MGAM: variants seen among roughly 807,000 people sequenced by gnomAD.
MGAM encodes the protein maltase-glucoamylase.
In MGAM, 253 loss-of-function variants were observed where a neutral mutation model predicts 358.8. That is an observed-to-expected ratio of 0.71 (90% CI 0.64 to 0.78). The LOEUF is 0.78. MGAM is among the 30% of genes least tolerant of loss of function. MGAM has a pLI of 0.00. For missense variants in MGAM, 3,080 were observed against 3,432.6 expected (o/e 0.90, Z 2.57); for synonymous variants, 1,105 against 1,227.1 (o/e 0.90, Z 2.08).
chr7:141,999,141 G>T (rs1300394619), intron 1 of MGAM, among the ~76,000 whole-genome samples: 1 of 152,076 alleles, frequency 6.6e-6, no homozygotes, highest in African/African-American at 2.4e-5. Flanking sequence ...TTGAAAGAAT[G>T]CTTGGCACAT....
Position 142,099,610 on chromosome 7 carries a change from C to T in MGAM, c.7750-3C>T. On this transcript the variant is annotated splice_region_variant and splice_polypyrimidine_tract_variant and intron_variant, in intron 66 of 70. Coordinates refer to ENST00000475668, the MANE Select transcript of MGAM (RefSeq NM_001365693.1). ...GTCATCTCTTACCTTCTTCTGCCTC[C>T]AGGGTGTGGATATTAATGCAAGAGG... 3.1e-6 allele frequency: 5 copies of T among 1,613,812 alleles called. No homozygotes were observed. The highest frequency in any genetic ancestry group is 2.2e-5 in the East Asian group (1 of 44,868).
chr7:142,011,798 TG>T (rs1805619748), intron 3 of MGAM, among the ~76,000 whole-genome samples: 2 of 152,136 alleles, frequency 1.3e-5, no homozygotes, highest in African/African-American at 4.8e-5. Context: ...CAGTCTGATT[TG>T]GGGGACTAGA....
Position 142,032,838 on chromosome 7 carries a change from T to A in MGAM, c.1598T>A (p.Val533Asp). The change falls in exon 14 of 71, where the codon GTC becomes GAC. Residue 533 changes from valine (V) to aspartate (D), a missense_variant. Physicochemically the swap from Val to Asp is radical, Grantham distance 152 (BLOSUM62 -3). This residue lies in a region of MGAM where 1,816 missense variants were observed against 1,840.5 expected (regional missense o/e 0.99). Coordinates refer to ENST00000475668, the MANE Select transcript of MGAM (RefSeq NM_001365693.1). ...TTTGTCTTGTAGGATATGAATGAAG[T>A]CTCCAACTTTGTTGATGGTTCGGTC... Reference protein sequence around the residue: ...FDGIWIDMNEVSNFVDGSVSG... With the variant: ...FDGIWIDMNEDSNFVDGSVSG... 6.2e-7 allele frequency: 1 copy of A among 1,609,458 alleles called. No homozygotes were observed. Among genetic ancestry groups the A allele is most frequent in the Non-Finnish European group, 8.5e-7 (1 of 1,177,486 alleles).
Position 142,093,370 on chromosome 7 carries a change from G to T in MGAM, c.7034-42G>T, listed in dbSNP as rs758721573. On this transcript the variant is annotated intron_variant, in intron 59 of 70. Transcript: ENST00000475668. ...CTTGAAGAGAAGTCAGGGAGAAACA[G>T]AATCAGGGCTGGATTTCACCTCACC... 6 of 1,512,122 alleles carry T rather than the reference G, an allele frequency of 4.0e-6. 1 individual carries two copies. Among genetic ancestry groups the T allele is most frequent in the Non-Finnish European group, 3.6e-6 (4 of 1,109,992 alleles). The allele number at this position is 1,512,122 out of a possible 1,614,324, so 93.7% of individuals were successfully genotyped here. A position where few individuals can be genotyped will look rare whatever the true frequency, so the allele number is the denominator to read the frequency against.
intron 20 of MGAM, chr7:142,040,416 A>C (rs1238409787): frequency 1.7e-6 from 1 of 583,778 alleles, no homozygotes; most frequent in Admixed American, 3.2e-5. Context: ...AGTATCTCAT[A>C]AATTAATATT....
Position 142,082,494 on chromosome 7 carries a change from G to T in MGAM, c.6191G>T (p.Gly2064Val). The change falls in exon 52 of 71, where the codon GGT (glycine) becomes GTT (valine). Residue 2064 changes from glycine to valine, a missense_variant. Gly to Val is a moderately radical substitution (Grantham distance 109). Transcript: ENST00000475668. Reference protein sequence around the residue: ...QPPGYKKNSYGVHPYYMGLEE... With the variant: ...QPPGYKKNSYVVHPYYMGLEE... Reference sequence around the variant, plus strand: ...CTCCAGTACAAGAAGAATTCCTATGGTGTCCACCCCTACTACATGGGGCTA... The same window carrying T: ...CTCCAGTACAAGAAGAATTCCTATGTTGTCCACCCCTACTACATGGGGCTA... The T allele has an allele frequency of 6.5e-7, 1 of 1,532,302 alleles. No homozygotes were observed. The highest frequency in any genetic ancestry group is 1.3e-5 in the African/African-American group (1 of 74,402). 94.9% of individuals were successfully genotyped at this position (1,532,302 alleles called of 1,614,324 possible).
chr7:142,076,981 GA>G (rs1287929947), intron 47 of MGAM, among the ~76,000 whole-genome samples, 155 bp downstream of exon 47: 3 of 144,898 alleles, frequency 2.1e-5, no homozygotes, highest in African/African-American at 7.3e-5. Flanking sequence ...CTTTTTTGGG[GA>G]AAAAAATGAG....
chr7:142,065,260 C>T (rs1812607166), intron 37 of MGAM, 75 bp from the exon 38 acceptor site: 3 of 1,553,590 alleles, frequency 1.9e-6, no homozygotes, highest in Non-Finnish European at 2.6e-6. Flanking sequence ...GGCTCAAGGG[C>T]TCTGGGAGCA....
At chr7:142,023,070 CTCTT>C (rs1554459593) in intron 7 of MGAM, among the ~76,000 whole-genome samples, 1 of 151,820 alleles carries the variant, frequency 6.6e-6, no homozygotes, top group Non-Finnish European at 1.5e-5. Flanking sequence ...TTCTTCTTCT[CTCTT>C]TGTTTGAGAT....
intron 7 of MGAM, among the ~76,000 whole-genome samples, chr7:142,023,176 T>C (rs915955733): frequency 6.6e-6 from 1 of 152,082 alleles, no homozygotes; most frequent in African/African-American, 2.4e-5. Context: ...CCCTCGTACC[T>C]CAGTGTCTGG....
intron 44 of MGAM, among the ~76,000 whole-genome samples, chr7:142,072,299 A>G (rs73740266): frequency 0.096 from 14,061 of 145,872 alleles, 2,091 homozygotes; most frequent in African/African-American, 0.23. Context: ...AAACATACCC[A>G]TGTATTTTAC....
At chr7:142,046,327 A>G (rs1810412705) in intron 21 of MGAM, among the ~76,000 whole-genome samples, 3 of 151,572 alleles carry the variant, frequency 2.0e-5, no homozygotes, top group Admixed American at 1.3e-4. Flanking sequence ...ACTTTCTTTC[A>G]TGTTGACTTA....
chr7:142,015,459 G>A lies in MGAM; in HGVS notation c.328-3740G>A, dbSNP rs886161137. 3.3e-5 allele frequency among the ~76,000 whole-genome samples: 5 copies of A among 151,812 alleles called. No individual in the cohort carries two copies. In the South Asian group the frequency reaches 8.3e-4, roughly 25 times the overall value. On this transcript the variant is annotated intron_variant, in intron 3 of 70. Coordinates refer to ENST00000475668, the MANE Select transcript of MGAM (RefSeq NM_001365693.1). ...CATTGTATCTCAAAAACAATTCCAG[G>A]AAGACTAAAAGCCTAAAGGCAAAAA...
intron 33 of MGAM, 96 bp from the exon 34 acceptor site, chr7:142,060,215 G>A: frequency 6.6e-7 from 1 of 1,511,644 alleles, no homozygotes; most frequent in Non-Finnish European, 9.1e-7. Flanking sequence ...AAGTATTATT[G>A]CTCCTAGGAG....
rs553512888 is a variant in MGAM at position 142,080,737 on chromosome 7, G to T, written c.5848-54G>T. The T allele has an allele frequency of 2.1e-6, 3 of 1,452,640 alleles. 1 individual carries two copies. The highest frequency in any genetic ancestry group is 2.8e-6 in the Non-Finnish European group (3 of 1,055,884). The allele number at this position is 1,452,640 out of a possible 1,614,324, so 90.0% of individuals were successfully genotyped here. A position where few individuals can be genotyped will look rare whatever the true frequency, so the allele number is the denominator to read the frequency against. On this transcript the variant is annotated intron_variant, in intron 49 of 70. Transcript: ENST00000475668. ...CAAAAATCAAAAAGGTTCTGCTAAG[G>T]GTATAGGTTTCAAGAGTAGTATTCT...
intron 3 of MGAM, among the ~76,000 whole-genome samples, chr7:142,017,491 A>G (rs1554456666): frequency 6.6e-6 from 1 of 152,136 alleles, no homozygotes; most frequent in African/African-American, 2.4e-5. Context: ...GCCAACAAAG[A>G]CTGTTTGCAT....
Position 142,030,378 on chromosome 7 carries a change from A to G in MGAM, c.1238A>G (p.Asp413Gly), listed in dbSNP as rs1554462850. ...TTCTTTCAGGATGTTCAGCATGCTG[A>G]TATTGATTATATGGATGAGAGAAGG... ...AQLPYDVQHA[D>G]IDYMDERRDF... Residue 413 changes from aspartate (D) to glycine (G), a missense_variant, in exon 11 of 71, where the codon GAT (aspartate) becomes GGT (glycine). Around this residue, in one of 5 missense-constraint regions of MGAM, gnomAD observed 1,816 missense variants for 1,840.5 expected, o/e 0.99. Transcript: ENST00000475668. 6.2e-7 allele frequency: 1 copy of G among 1,613,196 alleles called. No individual in the cohort carries two copies. Among genetic ancestry groups the G allele is most frequent in the Admixed American group, 1.7e-5 (1 of 59,916 alleles).
In MGAM at chr7:142,002,657, C is replaced by T. The variant is rs550756862; in HGVS notation, c.-2-2872C>T. 1.4e-4 allele frequency among the ~76,000 whole-genome samples: 21 copies of T among 152,050 alleles called. No homozygotes were observed. The South Asian group carries it at 4.4e-3, about 32-fold the overall frequency. ...AAGTTCAGTACGATTGAAAGCATTC[C>T]CCCTAAATGGAGAAAAGACAAGGAT... On this transcript the variant is annotated intron_variant, in intron 1 of 70. Coordinates refer to ENST00000475668, the MANE Select transcript of MGAM (RefSeq NM_001365693.1).
Position 142,078,918 on chromosome 7 carries a change from T to C in MGAM, c.5757T>C (p.Ser1919=), listed in dbSNP as rs1813979513. ...CCACAGCTGACATCTCCTTAAAGTC[T>C]TCTGTTCATGCCAATGCCTTCCCTT... ...HGATADISLK[S]SVHANAFPST... Residue 1919 remains serine (S), a synonymous_variant, in exon 49 of 71, where the codon TCT becomes TCC. Coordinates refer to ENST00000475668, the MANE Select transcript of MGAM (RefSeq NM_001365693.1). 6.4e-7 allele frequency: 1 copy of C among 1,555,608 alleles called. No homozygotes were observed. The highest frequency in any genetic ancestry group is 1.3e-5 in the African/African-American group (1 of 74,488).
Sources: gnomAD v4.1 joint callset for allele counts (sites outside exome capture counted in the v4.1 genomes callset) on GRCh38, gnomAD v4.1.1 for gene constraint, gnomAD v4.1.1 regional missense constraint, MANE v1.5 for transcripts, NCBI Gene and HGNC (gene_info 2026-07-23, HGNC 2026-07-21) for gene names.